The following PCSK5 variants were observed in gnomAD, a reference collection of about 807,000 sequenced individuals.
The protein encoded by PCSK5 is prohormone convertase 5.
Under a neutral mutation model 233.2 loss-of-function variants are expected in PCSK5, and 129 were observed. The ratio of observed to expected loss-of-function variants is 0.55; its 90% CI spans 0.48 to 0.64. PCSK5 has a LOEUF of 0.64. PCSK5 is among the 30% of genes least tolerant of loss of function. The pLI is 0.00. For missense variants in PCSK5, 2,076 were observed against 2,430.1 expected (o/e 0.85, Z 3.06); for synonymous variants, 825 against 879.2 (o/e 0.94, Z 1.09).
intron 35 of PCSK5, among the ~76,000 whole-genome samples, chr9:76,349,739 C>T (rs1587364530): frequency 6.6e-6 from 1 of 152,340 alleles, no homozygotes; most frequent in East Asian, 1.9e-4. Flanking sequence ...CTTATGCTCC[C>T]ATTTAAAAAT....
At chr9:76,217,138 T>C (rs1825564639) in intron 20 of PCSK5, among the ~76,000 whole-genome samples, 1 of 152,234 alleles carries the variant, frequency 6.6e-6, no homozygotes, top group African/African-American at 2.4e-5. Flanking sequence ...CAGCCATTAC[T>C]ATGCACTTCT....
intron 1 of PCSK5, among the ~76,000 whole-genome samples, chr9:75,899,051 AG>A (rs1250119023): frequency 6.6e-6 from 1 of 152,212 alleles, no homozygotes; most frequent in Admixed American, 6.5e-5. Context: ...TGGAAACAGG[AG>A]CCATGACAAT....
chr9:76,024,001 T>A, intron 4 of PCSK5, 120 bp downstream of exon 4: 5 of 770,366 alleles, frequency 6.5e-6, no homozygotes, highest in Non-Finnish European at 9.8e-6. Flanking sequence ...GGGTATTGTG[T>A]TTTGCTTCTC....
At chr9:76,269,640 T>C (rs1827446664) in intron 24 of PCSK5, among the ~76,000 whole-genome samples, 1 of 152,178 alleles carries the variant, frequency 6.6e-6, no homozygotes, top group South Asian at 2.1e-4. Flanking sequence ...AAACCTCCTA[T>C]AGCTGTAAGC....
intron 1 of PCSK5, among the ~76,000 whole-genome samples, chr9:75,922,006 G>A (rs1334193999): frequency 6.6e-6 from 1 of 152,126 alleles, no homozygotes; most frequent in Non-Finnish European, 1.5e-5. Flanking sequence ...ACACCAAGGG[G>A]TTGGCAGAAT....
chr9:76,202,872 C>A (rs184931005), intron 20 of PCSK5, among the ~76,000 whole-genome samples: 172 of 152,148 alleles, frequency 1.1e-3, no homozygotes, highest in African/African-American at 3.9e-3. Flanking sequence ...TTGATGGGGG[C>A]AAAGTCTGTA....
intron 24 of PCSK5, among the ~76,000 whole-genome samples, chr9:76,253,615 A>G (rs115676927): frequency 0.012 from 1,798 of 152,240 alleles, 33 homozygotes; most frequent in African/African-American, 0.041. Context: ...CTGCTTTCCT[A>G]TCACTTGTTC....
chr9:76,204,850 TGGG>T (rs1825051780), intron 20 of PCSK5, among the ~76,000 whole-genome samples: 1 of 152,128 alleles, frequency 6.6e-6, no homozygotes, highest in Admixed American at 6.5e-5. Context: ...GACTCCTACT[TGGG>T]GGCAGGGAGG....
At chr9:76,197,750 G>A (rs912555034) in intron 20 of PCSK5, among the ~76,000 whole-genome samples, 4 of 152,158 alleles carry the variant, frequency 2.6e-5, no homozygotes, top group Admixed American at 1.3e-4. Flanking sequence ...GTGGAACAGA[G>A]GACAGCTGCA....
intron 9 of PCSK5, among the ~76,000 whole-genome samples, chr9:76,111,701 C>A (rs1327476189): frequency 6.6e-6 from 1 of 151,858 alleles, no homozygotes; most frequent in Admixed American, 6.6e-5. Flanking sequence ...TTTTACATAG[C>A]CTAACTCAAA....
At chr9:75,911,872 T>C (rs563712165) in intron 1 of PCSK5, among the ~76,000 whole-genome samples, 83 of 152,276 alleles carry the variant, frequency 5.5e-4, no homozygotes, top group African/African-American at 1.9e-3. Flanking sequence ...TCTCCCTTTG[T>C]CTTAATATCC....
chr9:75,940,236 CT>C (rs951029186), intron 2 of PCSK5, among the ~76,000 whole-genome samples: 13 of 152,308 alleles, frequency 8.5e-5, no homozygotes, highest in African/African-American at 3.1e-4. Flanking sequence ...ATCGAGTCTA[CT>C]TTTGCCTTCC....
intron 10 of PCSK5, among the ~76,000 whole-genome samples, chr9:76,150,336 TAAA>T (rs1823618462): frequency 6.6e-6 from 1 of 151,716 alleles, no homozygotes. Flanking sequence ...AAAGGAAAAA[TAAA>T]AACAAACCAG....
chr9:76,157,647 T>C (rs1047566236), intron 11 of PCSK5, among the ~76,000 whole-genome samples: 1 of 151,922 alleles, frequency 6.6e-6, no homozygotes, highest in Non-Finnish European at 1.5e-5. Flanking sequence ...TCTATCTTAG[T>C]AGGCTTATTA....
At chr9:75,992,572 T>TAC (rs34250537) in intron 3 of PCSK5, among the ~76,000 whole-genome samples, 1,707 of 150,728 alleles carry the variant, frequency 0.011, 24 homozygotes, top group African/African-American at 0.031. Context: ...TAACTTTAAA[T>TAC]ACACACACAC....
At chr9:76,111,867 A>G (rs538877188) in intron 9 of PCSK5, among the ~76,000 whole-genome samples, 2 of 152,292 alleles carry the variant, frequency 1.3e-5, no homozygotes, top group African/African-American at 4.8e-5. Context: ...TCCCAGTGCT[A>G]TAGATCTATC....
intron 1 of PCSK5, among the ~76,000 whole-genome samples, chr9:75,926,401 A>T (rs974082614): frequency 2.6e-5 from 4 of 152,176 alleles, no homozygotes; most frequent in Non-Finnish European, 5.9e-5. Flanking sequence ...GTTTTTTGTG[A>T]TGTAAATACT....
chr9:76,297,714 G>A (rs973674180), intron 27 of PCSK5, among the ~76,000 whole-genome samples: 3 of 152,142 alleles, frequency 2.0e-5, no homozygotes, highest in Non-Finnish European at 2.9e-5. Flanking sequence ...ATTTGATTTC[G>A]AGGCAAGAAT....
Position 76,026,955 on chromosome 9 carries a change from C to G in PCSK5, c.556-6C>G. On this transcript the variant is annotated splice_region_variant and splice_polypyrimidine_tract_variant and intron_variant, in intron 4 of 37. Transcript: ENST00000674117. Reference sequence around the variant, plus strand: ...CTTTCCCTTGCTCTCTCCTCTGTGGCCATAGGATGCTCTGGCAAGTTGCGA... The same window carrying G: ...CTTTCCCTTGCTCTCTCCTCTGTGGGCATAGGATGCTCTGGCAAGTTGCGA... 1 of 1,601,782 alleles carries G rather than the reference C, an allele frequency of 6.2e-7. No homozygotes were observed. The highest frequency in any genetic ancestry group is 8.5e-7 in the Non-Finnish European group (1 of 1,171,006).
Sources: gnomAD v4.1 joint callset for allele counts (sites outside exome capture counted in the v4.1 genomes callset) on GRCh38, gnomAD v4.1.1 for gene constraint, MANE v1.5 for transcripts, NCBI Gene and HGNC (gene_info 2026-07-23, HGNC 2026-07-21) for gene names.